Variants in NRXN3 observed in about 807,000 individuals in gnomAD.
The protein encoded by NRXN3 is neurexin 3.
NRXN3 carries 32 observed loss-of-function variants against 137.6 expected under a neutral mutation model. The observed-to-expected ratio is 0.23, with a 90% CI of 0.18 to 0.31. The LOEUF (loss-of-function observed/expected upper bound fraction) is 0.31. Among genes scored for constraint, NRXN3 ranks in the 10% least tolerant of loss-of-function variants. The pLI is 1.00. For synonymous variants in NRXN3, 798 were observed against 784.5 expected (o/e 1.02, Z -0.29); for missense variants, 1,574 against 2,062.5 (o/e 0.76, Z 4.59).
chr14:78,751,709 G>A (rs1049676504), intron 8 of NRXN3, among the ~76,000 whole-genome samples: 4 of 152,052 alleles, frequency 2.6e-5, no homozygotes, highest in Non-Finnish European at 5.9e-5. Context: ...TGGAGGGGAC[G>A]GAAGGGGGAA....
chr14:78,517,111 A>T (rs1329582820), intron 4 of NRXN3, among the ~76,000 whole-genome samples: 2 of 152,070 alleles, frequency 1.3e-5, no homozygotes, highest in Non-Finnish European at 2.9e-5. Flanking sequence ...TGTCCAAATC[A>T]TTTGTTTTTT....
At position 78,810,549 on chromosome 14, in the gene NRXN3, G is replaced by A. The variant is rs568063906; in HGVS notation, c.2275+205G>A. ...GTTTTGGGTGTGGTTTCTGAAGTGAGGGCAGGTCCTCTCTTCTTTCCTTGC... is the reference window on the plus strand; with the variant it reads ...GTTTTGGGTGTGGTTTCTGAAGTGAAGGCAGGTCCTCTCTTCTTTCCTTGC... On this transcript the variant is annotated intron_variant, in intron 10 of 20. Coordinates refer to ENST00000335750, the MANE Select transcript of NRXN3 (RefSeq NM_001330195.2). Among the ~76,000 whole-genome samples, 20 of 152,172 alleles carry A rather than the reference G, an allele frequency of 1.3e-4. No homozygotes were observed. In the East Asian group the frequency reaches 3.9e-3, roughly 29 times the overall value.
At chr14:78,604,030 G>A (rs551020812) in intron 4 of NRXN3, among the ~76,000 whole-genome samples, 1 of 152,252 alleles carries the variant, frequency 6.6e-6, no homozygotes, top group South Asian at 2.1e-4. Flanking sequence ...TCACAATCAC[G>A]ACGGAAGATG....
intron 15 of NRXN3, among the ~76,000 whole-genome samples, chr14:79,084,628 A>C (rs1006577553): frequency 6.6e-6 from 1 of 152,144 alleles, no homozygotes; most frequent in African/African-American, 2.4e-5. Flanking sequence ...CAGAAAATAG[A>C]AGGCATTTTG....
At chr14:78,996,413 T>C (rs978182051) in intron 15 of NRXN3, among the ~76,000 whole-genome samples, 18 of 152,200 alleles carry the variant, frequency 1.2e-4, no homozygotes, top group African/African-American at 4.3e-4. Context: ...AAGTCTGGGC[T>C]CTGGACTGCC....
At chr14:78,639,176 G>A (rs61976140) in intron 4 of NRXN3, among the ~76,000 whole-genome samples, 9,297 of 152,304 alleles carry the variant, frequency 0.061, 346 homozygotes, top group Middle Eastern at 0.15. Context: ...AGTAGCCCAC[G>A]TGTTTTTGTG....
intron 19 of NRXN3, among the ~76,000 whole-genome samples, chr14:79,796,509 A>C (rs2099161362): frequency 6.6e-6 from 1 of 152,130 alleles, no homozygotes; most frequent in African/African-American, 2.4e-5. Context: ...AAATAGAAGA[A>C]AAATCTTAAA....
At chr14:79,331,529 C>T (rs2091680092) in intron 15 of NRXN3, among the ~76,000 whole-genome samples, 1 of 152,142 alleles carries the variant, frequency 6.6e-6, no homozygotes, top group South Asian at 2.1e-4. Context: ...CACTATTACT[C>T]TTTAATTTAT....
chr14:78,325,297 G>C (rs562415287), intron 4 of NRXN3, among the ~76,000 whole-genome samples: 2 of 152,022 alleles, frequency 1.3e-5, no homozygotes, highest in Non-Finnish European at 2.9e-5. Context: ...CCACAGTGTT[G>C]CATAGGACTA....
intron 15 of NRXN3, among the ~76,000 whole-genome samples, chr14:79,422,944 C>T (rs966524717): frequency 1.2e-4 from 18 of 152,146 alleles, no homozygotes; most frequent in African/African-American, 2.9e-4. Flanking sequence ...GTGATCCACC[C>T]GCCTTGGCCT....
At chr14:78,452,602 ATT>A (rs2094577329) in intron 4 of NRXN3, among the ~76,000 whole-genome samples, 1 of 152,222 alleles carries the variant, frequency 6.6e-6, no homozygotes, top group Admixed American at 6.5e-5. Flanking sequence ...AAGTAACAGC[ATT>A]TCAGAATGGC....
chr14:79,315,123 C>A (rs1217809406), intron 15 of NRXN3, among the ~76,000 whole-genome samples: 1 of 152,242 alleles, frequency 6.6e-6, no homozygotes, highest in Middle Eastern at 3.4e-3. Flanking sequence ...TTCTTTTATC[C>A]TGTAATGTGC....
intron 1 of NRXN3, among the ~76,000 whole-genome samples, chr14:78,233,688 C>CAAAAAAA (rs10673907): frequency 3.4e-5 from 4 of 117,564 alleles, no homozygotes; most frequent in Non-Finnish European, 5.3e-5. Flanking sequence ...AAGTATGCTT[C>CAAAAAAA]AAAAAAAAAA....
intron 16 of NRXN3, among the ~76,000 whole-genome samples, chr14:79,545,095 G>A (rs1375080880): frequency 6.6e-6 from 1 of 152,094 alleles, no homozygotes; most frequent in East Asian, 1.9e-4. Flanking sequence ...TCTCACTTAT[G>A]TGTTTGTTCT....
At chr14:78,859,121 A>T (rs1031214762) in intron 10 of NRXN3, among the ~76,000 whole-genome samples, 2 of 152,196 alleles carry the variant, frequency 1.3e-5, no homozygotes, top group African/African-American at 4.8e-5. Flanking sequence ...TGATGGTTTT[A>T]TAAGTGTCTG....
intron 10 of NRXN3, among the ~76,000 whole-genome samples, chr14:78,878,085 T>C (rs1002560401): frequency 2.0e-5 from 3 of 152,170 alleles, no homozygotes; most frequent in Non-Finnish European, 2.9e-5. Context: ...TAAATTTGGC[T>C]ACTGAGAGTA....
chr14:79,852,417 G>A (rs936272279), intron 20 of NRXN3, among the ~76,000 whole-genome samples: 4 of 151,996 alleles, frequency 2.6e-5, no homozygotes, highest in East Asian at 1.9e-4. Flanking sequence ...ATCCTAGCTT[G>A]CTGTTCTGTT....
At chr14:79,138,362 C>T (rs1245655367) in intron 15 of NRXN3, among the ~76,000 whole-genome samples, 1 of 152,150 alleles carries the variant, frequency 6.6e-6, no homozygotes, top group African/African-American at 2.4e-5. Flanking sequence ...ACTGTATTGC[C>T]CAGACTGCTT....
At chr14:79,027,766 T>G (rs1475743071) in intron 15 of NRXN3, among the ~76,000 whole-genome samples, 1 of 152,178 alleles carries the variant, frequency 6.6e-6, no homozygotes, top group Non-Finnish European at 1.5e-5. Flanking sequence ...TTTCTTTGCA[T>G]GTGTTATAGT....
Sources: gnomAD v4.1 joint callset for allele counts (sites outside exome capture counted in the v4.1 genomes callset) on GRCh38, gnomAD v4.1.1 for gene constraint, MANE v1.5 for transcripts, NCBI Gene and HGNC (gene_info 2026-07-23, HGNC 2026-07-21) for gene names.